RANBP2: variants seen among roughly 807,000 people sequenced by gnomAD.
RANBP2 encodes E3 SUMO-protein ligase RanBP2.
RANBP2 carries 57 observed loss-of-function variants against 303.6 expected under a neutral mutation model. That is an observed-to-expected ratio of 0.19 (90% confidence interval 0.15 to 0.23). The LOEUF (loss-of-function observed/expected upper bound fraction) is 0.23, where lower values mean the gene tolerates loss of function less well. RANBP2 is among the 10% of genes least tolerant of loss of function. The pLI is 1.00. For missense variants in RANBP2, 3,138 were observed against 3,780.8 expected (o/e 0.83, Z 4.46); for synonymous variants, 1,167 against 1,301.5 (o/e 0.90, Z 2.23).
At chr2:108,995,197 A>C in the RANBP2 span, among the ~76,000 whole-genome samples, 1 of 152,014 alleles carries the variant, frequency 6.6e-6, no homozygotes, top group African/African-American at 2.4e-5. Flanking sequence ...GTCTTGCTCC[A>C]TCACCTGTGC....
the RANBP2 span, among the ~76,000 whole-genome samples, chr2:109,577,213 T>C: frequency 6.6e-6 from 1 of 152,260 alleles, no homozygotes; most frequent in South Asian, 2.1e-4. Flanking sequence ...CCAACTAAAA[T>C]TTCAAGTATG....
chr2:108,861,695 G>A, the RANBP2 span, among the ~76,000 whole-genome samples: 1 of 152,062 alleles, frequency 6.6e-6, no homozygotes, highest in African/African-American at 2.4e-5. Flanking sequence ...TGGCCAGACT[G>A]GTCTCGAACT....
the RANBP2 span, among the ~76,000 whole-genome samples, chr2:109,355,171 C>T: frequency 5.9e-5 from 9 of 152,144 alleles, no homozygotes; most frequent in African/African-American, 1.4e-4. Context: ...TGAAAGTCTA[C>T]GGGCCCACAG....
chr2:109,646,497 A>AT, the RANBP2 span, among the ~76,000 whole-genome samples: 1,446 of 147,064 alleles, frequency 9.8e-3, 53 homozygotes, highest in East Asian at 0.12. Context: ...ACGGCTAATA[A>AT]TTTTTTTTTT....
At chr2:109,715,786 C>T in the RANBP2 span, among the ~76,000 whole-genome samples, 3 of 152,186 alleles carry the variant, frequency 2.0e-5, no homozygotes, top group Admixed American at 6.5e-5. Flanking sequence ...CAGCCAGCCC[C>T]CATCCTGAGG....
At chr2:109,381,265 G>C in the RANBP2 span, among the ~76,000 whole-genome samples, 1 of 152,230 alleles carries the variant, frequency 6.6e-6, no homozygotes, top group Non-Finnish European at 1.5e-5. Context: ...GGAAGTAACT[G>C]AGCTCCAATC....
the RANBP2 span, among the ~76,000 whole-genome samples, chr2:109,551,672 G>A: frequency 2.0e-5 from 3 of 152,152 alleles, no homozygotes; most frequent in East Asian, 3.9e-4. Flanking sequence ...ATCAAAATTC[G>A]CATTATAAAT....
the RANBP2 span, among the ~76,000 whole-genome samples, chr2:108,971,410 C>T: frequency 3.3e-5 from 5 of 152,010 alleles, no homozygotes; most frequent in African/African-American, 9.6e-5. Context: ...AGGTGATTTG[C>T]GTGCAAATCA....
chr2:109,405,492 C>A, the RANBP2 span, among the ~76,000 whole-genome samples: 1 of 152,124 alleles, frequency 6.6e-6, no homozygotes, highest in African/African-American at 2.4e-5. Context: ...CAGATCTTCT[C>A]CCTGCGCACC....
At chr2:109,339,976 G>A in the RANBP2 span, among the ~76,000 whole-genome samples, 3,269 of 152,254 alleles carry the variant, frequency 0.021, 40 homozygotes, top group Non-Finnish European at 0.03. Context: ...CCAGTTACAC[G>A]CTTTGTGATG....
chr2:109,486,580 G>A, the RANBP2 span, among the ~76,000 whole-genome samples: 6 of 152,192 alleles, frequency 3.9e-5, no homozygotes, highest in African/African-American at 1.2e-4. Context: ...CGCTCCTATA[G>A]CTGTCATCTC....
chr2:109,221,517 G>T, the RANBP2 span, among the ~76,000 whole-genome samples: 1 of 151,534 alleles, frequency 6.6e-6, no homozygotes, highest in Non-Finnish European at 1.5e-5. Flanking sequence ...GGGAGGCAGA[G>T]GCTGCGGTAA....
At chr2:109,638,560 C>T in the RANBP2 span, among the ~76,000 whole-genome samples, 4 of 152,180 alleles carry the variant, frequency 2.6e-5, no homozygotes, top group Non-Finnish European at 5.9e-5. Flanking sequence ...ATGACCTCTT[C>T]CCATTGACTA....
chr2:109,503,613 A>T, the RANBP2 span: 1 of 152,190 alleles, frequency 6.6e-6, no homozygotes, highest in Non-Finnish European at 1.5e-5. Flanking sequence ...CTGCACCAAA[A>T]TCCTGTGCGT....
chr2:109,075,902 C>T, the RANBP2 span, among the ~76,000 whole-genome samples: 5 of 150,434 alleles, frequency 3.3e-5, 1 homozygote, highest in African/African-American at 4.8e-5. Context: ...TTAAACTCTT[C>T]TAAAAATAGA....
chr2:109,458,698 G>A, the RANBP2 span, among the ~76,000 whole-genome samples: 6 of 152,320 alleles, frequency 3.9e-5, no homozygotes, highest in South Asian at 1.2e-3. Flanking sequence ...AGGAGTTGCT[G>A]TGCAGTCTTG....
the RANBP2 span, among the ~76,000 whole-genome samples, chr2:108,960,816 T>C: frequency 6.6e-6 from 1 of 152,230 alleles, no homozygotes; most frequent in East Asian, 1.9e-4. Context: ...TCCTGTTTGC[T>C]TAATGATTTA....
chr2:108,733,315 G>C (rs1352012624), intron 4 of RANBP2, among the ~76,000 whole-genome samples: 1 of 133,470 alleles, frequency 7.5e-6, no homozygotes, highest in African/African-American at 3.0e-5. Flanking sequence ...ACCCATGCTG[G>C]AGTGCAGTGG....
the RANBP2 span, among the ~76,000 whole-genome samples, chr2:109,706,602 G>A: frequency 6.6e-6 from 1 of 152,188 alleles, no homozygotes; most frequent in African/African-American, 2.4e-5. Flanking sequence ...ATATAATTCT[G>A]TTATTTATTA....
Sources: gnomAD v4.1 joint callset for allele counts (sites outside exome capture counted in the v4.1 genomes callset) on GRCh38, gnomAD v4.1.1 for gene constraint, MANE v1.5 for transcripts, NCBI Gene and HGNC (gene_info 2026-07-23, HGNC 2026-07-21) for gene names.